PTPRD: variants seen among roughly 807,000 people sequenced by gnomAD.
The protein encoded by PTPRD is protein tyrosine phosphatase receptor type D.
Under a neutral mutation model 214.5 loss-of-function variants are expected in PTPRD, and 34 were observed. The observed-to-expected ratio is 0.16, with a 90% CI of 0.12 to 0.21. The LOEUF (loss-of-function observed/expected upper bound fraction) is 0.21, where lower values mean the gene tolerates loss of function less well. Among genes scored for constraint, PTPRD ranks in the 10% least tolerant of loss-of-function variants. The pLI, the probability that PTPRD is intolerant of heterozygous loss-of-function variation, is 1.00. For missense variants in PTPRD, 2,545 were observed against 2,398.7 expected (o/e 1.06, Z -1.27); for synonymous variants, 1,128 against 845.7 (o/e 1.33, Z -5.79).
intron 3 of PTPRD, among the ~76,000 whole-genome samples, chr9:10,184,178 A>C (rs1221974213): frequency 1.3e-5 from 2 of 152,164 alleles, no homozygotes; most frequent in Non-Finnish European, 2.9e-5. Flanking sequence ...TTAACCCAGT[A>C]TTTTGGGAGG....
intron 21 of PTPRD, among the ~76,000 whole-genome samples, chr9:8,511,477 CTTATTTTATTT>C (rs1183980406): frequency 6.6e-6 from 1 of 151,522 alleles, no homozygotes; most frequent in African/African-American, 2.4e-5. Context: ...CTATGTATAT[CTTATTTTATTT>C]TTATTTTATT....
At chr9:10,209,168 A>G (rs1177261357) in intron 3 of PTPRD, among the ~76,000 whole-genome samples, 4 of 152,186 alleles carry the variant, frequency 2.6e-5, no homozygotes, top group Non-Finnish European at 5.9e-5. Context: ...GATAGACAGC[A>G]CTGCTTTAAG....
rs143722441 is a variant in PTPRD, at chr9:10,537,111, T to C, written c.-600+75287A>G. Among the ~76,000 whole-genome samples, 32 of 152,270 alleles carry C rather than the reference T, an allele frequency of 2.1e-4. 1 individual carries two copies. The East Asian group carries it at 5.8e-3, about 28-fold the overall frequency. ...TAGAGATAAATAATTCTAAAAACTA[T>C]AGGACTATTGTCACCAAATAAAGAT... On this transcript the variant is annotated intron_variant, in intron 2 of 45. Transcript: ENST00000381196.
At chr9:10,170,477 G>A (rs1054474099) in intron 3 of PTPRD, among the ~76,000 whole-genome samples, 3 of 152,142 alleles carry the variant, frequency 2.0e-5, no homozygotes, top group Non-Finnish European at 4.4e-5. Context: ...AGATCACGAG[G>A]TCAGGAGATC....
chr9:9,250,270 C>T (rs1446599835), intron 9 of PTPRD, among the ~76,000 whole-genome samples: 1 of 152,034 alleles, frequency 6.6e-6, no homozygotes, highest in African/African-American at 2.4e-5. Context: ...CTATGATGTA[C>T]CAGTACTGAT....
intron 14 of PTPRD, among the ~76,000 whole-genome samples, chr9:8,599,327 T>G (rs2094669188): frequency 6.6e-6 from 1 of 152,014 alleles, no homozygotes; most frequent in Admixed American, 6.6e-5. Flanking sequence ...AAACAAAAAG[T>G]AAAAACTGTC....
intron 35 of PTPRD, among the ~76,000 whole-genome samples, chr9:8,404,923 C>G (rs1261336259): frequency 1.3e-5 from 2 of 152,140 alleles, no homozygotes; most frequent in Admixed American, 1.3e-4. Flanking sequence ...ATTGGAAAGG[C>G]AGGTTCTTAA....
intron 2 of PTPRD, among the ~76,000 whole-genome samples, chr9:10,455,322 C>A (rs1167721708): frequency 6.6e-6 from 1 of 151,590 alleles, no homozygotes; most frequent in Non-Finnish European, 1.5e-5. Flanking sequence ...TCCTTTCGAC[C>A]TTTAAAAATT....
At chr9:9,775,441 C>A (rs1246564691) in intron 5 of PTPRD, among the ~76,000 whole-genome samples, 1 of 152,120 alleles carries the variant, frequency 6.6e-6, no homozygotes, top group African/African-American at 2.4e-5. Context: ...TTTCCCTCAT[C>A]ATAGAATAAA....
At chr9:9,371,563 G>C (rs947999418) in intron 9 of PTPRD, among the ~76,000 whole-genome samples, 7 of 152,102 alleles carry the variant, frequency 4.6e-5, no homozygotes, top group African/African-American at 1.4e-4. Context: ...CAAAAAACCA[G>C]CTCCTGGATT....
chr9:8,437,000 A>T (rs543889515), intron 34 of PTPRD, among the ~76,000 whole-genome samples: 2 of 152,224 alleles, frequency 1.3e-5, no homozygotes, highest in Non-Finnish European at 2.9e-5. Context: ...GTCAGGCTTG[A>T]TGTCAACTTC....
chr9:8,894,887 AATC>A (rs1363845938), intron 11 of PTPRD, among the ~76,000 whole-genome samples: 2 of 152,262 alleles, frequency 1.3e-5, no homozygotes, highest in African/African-American at 4.8e-5. Flanking sequence ...AGATGGCACC[AATC>A]AACAGAGAGA....
intron 2 of PTPRD, among the ~76,000 whole-genome samples, chr9:10,409,143 G>A (rs1173276761): frequency 2.6e-5 from 4 of 151,600 alleles, no homozygotes; most frequent in Non-Finnish European, 5.9e-5. Context: ...AAATATATGT[G>A]GGCTACAACA....
At chr9:9,826,702 G>A (rs2052990609) in intron 5 of PTPRD, among the ~76,000 whole-genome samples, 1 of 151,798 alleles carries the variant, frequency 6.6e-6, no homozygotes, top group African/African-American at 2.4e-5. Context: ...TTTTTAAAAA[G>A]ATCTTTTGCA....
intron 31 of PTPRD, among the ~76,000 whole-genome samples, chr9:8,467,096 G>A (rs1019357542): frequency 1.3e-5 from 2 of 151,828 alleles, no homozygotes; most frequent in Admixed American, 6.6e-5. Context: ...AATTTTGGCC[G>A]ACATTATTTT....
chr9:10,150,782 A>G (rs1043181657), intron 3 of PTPRD, among the ~76,000 whole-genome samples: 4 of 152,120 alleles, frequency 2.6e-5, no homozygotes, highest in African/African-American at 9.6e-5. Context: ...ATTAGAAAAC[A>G]TGATGTAGTT....
chr9:8,418,415 G>A (rs1473754306), intron 35 of PTPRD, among the ~76,000 whole-genome samples: 1 of 151,812 alleles, frequency 6.6e-6, no homozygotes, highest in African/African-American at 2.4e-5. Flanking sequence ...TTGTAAAGTT[G>A]TTTGAATTCA....
At chr9:10,557,188 G>A (rs1406601845) in intron 2 of PTPRD, among the ~76,000 whole-genome samples, 1 of 151,840 alleles carries the variant, frequency 6.6e-6, no homozygotes, top group Non-Finnish European at 1.5e-5. Context: ...AAAAAACATG[G>A]GATGGAAAGA....
At chr9:9,596,414 G>T (rs1001824222) in intron 7 of PTPRD, among the ~76,000 whole-genome samples, 2 of 151,836 alleles carry the variant, frequency 1.3e-5, no homozygotes, top group Non-Finnish European at 2.9e-5. Context: ...TTATAGGGAC[G>T]ATATTATACT....
Sources: gnomAD v4.1 joint callset for allele counts (sites outside exome capture counted in the v4.1 genomes callset) on GRCh38, gnomAD v4.1.1 for gene constraint, MANE v1.5 for transcripts, NCBI Gene and HGNC (gene_info 2026-07-23, HGNC 2026-07-21) for gene names.